Variants in TMCC1 observed in about 807,000 individuals in gnomAD.
TMCC1 encodes the protein transmembrane and coiled-coil domain family 1.
Under a neutral mutation model 52.4 loss-of-function variants are expected in TMCC1, and 15 were observed. That is an observed-to-expected ratio of 0.29 (90% confidence interval 0.19 to 0.44). The LOEUF (loss-of-function observed/expected upper bound fraction) is 0.44. Among genes scored for constraint, TMCC1 ranks in the 20% least tolerant of loss-of-function variants. TMCC1 has a pLI of 1.00. For synonymous variants in TMCC1, 279 were observed against 301.9 expected (o/e 0.92, Z 0.79); for missense variants, 503 against 806.0 (o/e 0.62, Z 4.55).
chr3:129,822,978 G>A (rs958232961), intron 4 of TMCC1, among the ~76,000 whole-genome samples: 1 of 152,122 alleles, frequency 6.6e-6, no homozygotes, highest in East Asian at 1.9e-4. Flanking sequence ...TCTTATCCCA[G>A]TAAGATGTTA....
chr3:129,674,955 C>T (rs560795110), intron 4 of TMCC1, among the ~76,000 whole-genome samples: 1 of 152,258 alleles, frequency 6.6e-6, no homozygotes, highest in East Asian at 1.9e-4. Context: ...ATTCTCCTGC[C>T]TCTTCCTGAG....
rs536730095 is a variant in TMCC1, at chr3:129,867,003, T to C, written c.-184+13306A>G. The C allele has an allele frequency of 4.2e-4, 64 of 152,184 alleles. 1 individual carries two copies. The highest frequency in any genetic ancestry group is 7.9e-4 in the Non-Finnish European group (54 of 68,036). The allele number at this position is 152,184 out of a possible 1,614,324, so 9.4% of individuals were successfully genotyped here. Reference sequence around the variant, plus strand: ...ACTATAGGACAGGAAAAGTTATTTTTTGATACCTGTTTCACCTAACTCCAA... The same window carrying C: ...ACTATAGGACAGGAAAAGTTATTTTCTGATACCTGTTTCACCTAACTCCAA... On this transcript the variant is annotated intron_variant, in intron 2 of 6. Transcript: ENST00000393238.
chr3:129,708,092 C>A (rs187258694), intron 4 of TMCC1, among the ~76,000 whole-genome samples: 66 of 152,150 alleles, frequency 4.3e-4, no homozygotes, highest in African/African-American at 1.6e-3. Flanking sequence ...TTTAGTAAGA[C>A]AAAACTATTC....
chr3:129,771,125 T>C (rs1159581417), intron 4 of TMCC1, among the ~76,000 whole-genome samples: 1 of 152,150 alleles, frequency 6.6e-6, no homozygotes, highest in Non-Finnish European at 1.5e-5. Flanking sequence ...CAGAAATCAA[T>C]GTGACCCTAG....
intron 2 of TMCC1, among the ~76,000 whole-genome samples, chr3:129,841,235 C>A (rs1560526559): frequency 6.6e-6 from 1 of 152,214 alleles, no homozygotes; most frequent in Non-Finnish European, 1.5e-5. Flanking sequence ...TTTAGAGTAT[C>A]TGGCAGGAGA....
At chr3:129,753,875 T>C (rs776571263) in intron 4 of TMCC1, among the ~76,000 whole-genome samples, 11 of 148,970 alleles carry the variant, frequency 7.4e-5, no homozygotes, top group Non-Finnish European at 1.6e-4. Context: ...ATAGAAAGCA[T>C]ACAGATGACA....
chr3:129,882,869 G>A (rs1283242602), intron 1 of TMCC1, among the ~76,000 whole-genome samples: 1 of 151,968 alleles, frequency 6.6e-6, no homozygotes, highest in Non-Finnish European at 1.5e-5. Flanking sequence ...CAGAGGAGGG[G>A]GTCTGGGGAG....
At chr3:129,765,978 C>CT (rs1491077397) in intron 4 of TMCC1, among the ~76,000 whole-genome samples, 4 of 152,056 alleles carry the variant, frequency 2.6e-5, no homozygotes, top group African/African-American at 9.7e-5. Context: ...TTCTCAGACT[C>CT]TGATTTGGAT....
Position 129,865,041 on chromosome 3 carries a change from C to T in TMCC1, c.-184+15268G>A, listed in dbSNP as rs2060558416. On this transcript the variant is annotated intron_variant, in intron 2 of 6. Transcript: ENST00000393238. ...GACTTTGTTCTAGGTAGGGAAACAC[C>T]ACAAAGTGGTAAGAGCCATGATGGG... 1.3e-5 allele frequency among the ~76,000 whole-genome samples: 2 copies of T among 152,116 alleles called. 1 individual carries two copies. Among genetic ancestry groups the T allele is most frequent in the South Asian group, 4.1e-4 (2 of 4,834 alleles).
chr3:129,657,172 C>T (rs1020484177), intron 5 of TMCC1, among the ~76,000 whole-genome samples: 1 of 152,124 alleles, frequency 6.6e-6, no homozygotes, highest in African/African-American at 2.4e-5. Flanking sequence ...GTGGTGGTCA[C>T]CAGCCTACAT....
intron 4 of TMCC1, among the ~76,000 whole-genome samples, chr3:129,728,649 C>G (rs1432164691): frequency 6.6e-6 from 1 of 152,140 alleles, no homozygotes; most frequent in Non-Finnish European, 1.5e-5. Flanking sequence ...GTGTACAGTT[C>G]TATGAATTTT....
At chr3:129,772,772 C>A (rs1014053480) in intron 4 of TMCC1, among the ~76,000 whole-genome samples, 2 of 150,266 alleles carry the variant, frequency 1.3e-5, no homozygotes, top group Admixed American at 6.6e-5. Context: ...AATAAACGGC[C>A]TTTAAACATA....
chr3:129,686,882 C>T (rs2089446231), intron 4 of TMCC1, among the ~76,000 whole-genome samples: 1 of 151,696 alleles, frequency 6.6e-6, no homozygotes, highest in Non-Finnish European at 1.5e-5. Context: ...TTTCACATGC[C>T]AAGAAAATAG....
At chr3:129,741,168 G>C (rs552097017) in intron 4 of TMCC1, among the ~76,000 whole-genome samples, 48 of 152,284 alleles carry the variant, frequency 3.2e-4, no homozygotes, top group Non-Finnish European at 5.0e-4. Context: ...AATCACTGCT[G>C]TGTTGACTAT....
At position 129,733,771 on chromosome 3, in the gene TMCC1, T is replaced by C. The variant is rs2050726859; in HGVS notation, c.577-62507A>G. ...CTGTTTGTATAATTAAGCACTAATATTTCCTGAATTAAAATATCTAGGATG... is the reference window on the plus strand; with the variant it reads ...CTGTTTGTATAATTAAGCACTAATACTTCCTGAATTAAAATATCTAGGATG... On this transcript the variant is annotated intron_variant, in intron 4 of 6. Transcript: ENST00000393238. Among the ~76,000 whole-genome samples, 3 of 152,302 alleles carry C rather than the reference T, an allele frequency of 2.0e-5. No homozygotes were observed. In the South Asian group the frequency reaches 6.2e-4, roughly 32 times the overall value.
At chr3:129,735,629 A>AGAGAG in intron 4 of TMCC1, among the ~76,000 whole-genome samples, 1 of 144,776 alleles carries the variant, frequency 6.9e-6, no homozygotes, top group African/African-American at 2.6e-5. Context: ...AGCCTGGGCG[A>AGAGAG]CAGAGCCAAG....
chr3:129,833,441 A>G (rs2107845627), intron 2 of TMCC1, among the ~76,000 whole-genome samples: 1 of 152,286 alleles, frequency 6.6e-6, no homozygotes, highest in Non-Finnish European at 1.5e-5. Context: ...ATGGTAGTGC[A>G]CACCTGTAGT....
intron 4 of TMCC1, among the ~76,000 whole-genome samples, chr3:129,822,844 T>C (rs762053093): frequency 2.6e-5 from 4 of 152,160 alleles, no homozygotes; most frequent in Non-Finnish European, 5.9e-5. Flanking sequence ...TGGTAGTCAC[T>C]TGGCAGCAGC....
intron 4 of TMCC1, among the ~76,000 whole-genome samples, chr3:129,687,705 C>A (rs1013506795): frequency 5.6e-4 from 85 of 152,208 alleles, no homozygotes; most frequent in Middle Eastern, 3.4e-3. Context: ...GACAATGAAC[C>A]CAAGACAAAT....
Sources: allele counts gnomAD v4.1 joint callset (sites outside exome capture counted in the v4.1 genomes callset), GRCh38; gene constraint gnomAD v4.1.1; transcripts MANE v1.5; gene names NCBI Gene and HGNC (gene_info 2026-07-23, HGNC 2026-07-21).